The following TFIP11 variants were observed in gnomAD, a reference collection of about 807,000 sequenced individuals.
The protein encoded by TFIP11 is tuftelin-interacting protein 11.
In TFIP11, 86 loss-of-function variants were observed where a neutral mutation model predicts 96.8. That is an observed-to-expected ratio of 0.89 (90% CI 0.75 to 1.06). The LOEUF (loss-of-function observed/expected upper bound fraction) is 1.06. Ranked by LOEUF, TFIP11 falls within the 50% of genes least tolerant of loss-of-function variation. The pLI, the probability that TFIP11 is intolerant of heterozygous loss-of-function variation, is 0.00. For synonymous variants in TFIP11, 405 were observed against 395.2 expected (o/e 1.02, Z -0.29); for missense variants, 881 against 1,076.7 (o/e 0.82, Z 2.54).
At chr22:26,495,921 C>G (rs1490627745) in intron 12 of TFIP11, 152 bp downstream of exon 12, 1 of 1,203,460 alleles carries the variant, frequency 8.3e-7, no homozygotes. Flanking sequence ...TGTTCAGCCT[C>G]TGAACAAAAT....
intron 4 of TFIP11, among the ~76,000 whole-genome samples, chr22:26,509,398 CCCTCATGT>C (rs1239628553): frequency 6.6e-6 from 1 of 152,192 alleles, no homozygotes; most frequent in South Asian, 2.1e-4. Context: ...AATGTGTTCT[CCCTCATGT>C]CCTCATGTCC....
intron 10 of TFIP11, among the ~76,000 whole-genome samples, chr22:26,497,749 G>A (rs926718334): frequency 1.1e-4 from 16 of 152,080 alleles, no homozygotes; most frequent in African/African-American, 2.2e-4. Flanking sequence ...GGTGGCGAGC[G>A]CCTGTAGTCC....
At chr22:26,493,465 T>C (rs1407924654) in intron 14 of TFIP11, 1 of 152,410 alleles carries the variant, frequency 6.6e-6, no homozygotes, top group African/African-American at 2.4e-5. Context: ...CGATCCCATT[T>C]CAATGCTGCG....
chr22:26,494,652 CTATGAAGATGACCT>C, intron 13 of TFIP11, 131 bp downstream of exon 13: 1 of 1,160,594 alleles, frequency 8.6e-7, no homozygotes, highest in Non-Finnish European at 1.2e-6. Flanking sequence ...ATGGTGCCCA[CTATGAAGATGACCT>C]AACTCATTCC....
At chr22:26,495,987 G>A (rs1921972033) in intron 12 of TFIP11, 86 bp downstream of exon 12, 1 of 1,528,526 alleles carries the variant, frequency 6.5e-7, no homozygotes, top group African/African-American at 1.4e-5. Context: ...TGAACATAAA[G>A]GCGATGCTTT....
Position 26,510,242 on chromosome 22 carries a change from C to T in TFIP11, c.31G>A (p.Glu11Lys), listed in dbSNP as rs1034300734. The part of the protein sequence containing the change: MSLSHLYRDG[E>K]GRIDDDDDER... ...TCATCATCATCATCAATGCGGCCTT[C>T]CCCATCCCGGTATAAGTGGGACAAT... The change falls in exon 4 of 15, where the codon GAA (glutamate) becomes AAA (lysine). Residue 11 changes from glutamate to lysine, a missense_variant. By Grantham distance (56) the Glu-to-Lys change is moderately conservative (BLOSUM62 1). Coordinates refer to ENST00000407690, the MANE Select transcript of TFIP11 (RefSeq NM_012143.4). The T allele has an allele frequency of 4.3e-6, 7 of 1,614,150 alleles. No homozygotes were observed. Among genetic ancestry groups the T allele is most frequent in the Non-Finnish European group, 5.9e-6 (7 of 1,180,044 alleles).
rs773395758 is a variant in TFIP11 at position 26,492,296 on chromosome 22, TG to T, written c.2230del (p.Gln744SerfsTer28). 2.5e-6 allele frequency: 4 copies of T among 1,614,100 alleles called. No individual in the cohort carries two copies. The highest frequency in any genetic ancestry group is 3.4e-6 in the Non-Finnish European group (4 of 1,180,038). On this transcript the variant is annotated frameshift_variant, in exon 15 of 15. Transcript: ENST00000407690. LOFTEE classifies it high-confidence loss of function. ...CCGCCTCTCCTGCATGGCCTCGTAC[TG>T]GAAGTCCTTCCTCCGCTCCGTGTGG... ...LTHTERRKDF[Q>X]YEAMQERREA...
intron 8 of TFIP11, 135 bp from the exon 9 acceptor site, chr22:26,499,766 G>A: frequency 1.1e-6 from 1 of 929,496 alleles, no homozygotes; most frequent in Non-Finnish European, 1.6e-6. Flanking sequence ...GAAGGGCAGT[G>A]TTGTAAAGTG....
intron 4 of TFIP11, among the ~76,000 whole-genome samples, chr22:26,508,265 A>G (rs1055081944): frequency 1.3e-5 from 2 of 152,240 alleles, no homozygotes; most frequent in African/African-American, 4.8e-5. Context: ...CTCTAGAGTC[A>G]GATAGGTCCA....
At position 26,510,216 on chromosome 22, in the gene TFIP11, G is replaced by GTCATCA. The variant is rs369744572; in HGVS notation, c.51_56dup (p.Asp18_Asp19dup). The GTCATCA allele has an allele frequency of 6.2e-7, 1 of 1,613,928 alleles. No homozygotes were observed. Among genetic ancestry groups the GTCATCA allele is most frequent in the Admixed American group, 1.7e-5 (1 of 60,008 alleles). On this transcript the variant is annotated inframe_insertion, in exon 4 of 15. Transcript: ENST00000407690. ...CAGTGATCTCAAAGTTCTCCCGCTC[G>GTCATCA]TCATCATCATCATCAATGCGGCCTT...
Position 26,494,922 on chromosome 22 carries a change from G to A in TFIP11, c.1867C>T (p.Leu623=), listed in dbSNP as rs760888870. 2 of 1,614,214 alleles carry A rather than the reference G, an allele frequency of 1.2e-6. No individual in the cohort carries two copies. The highest frequency in any genetic ancestry group is 1.7e-6 in the Non-Finnish European group (2 of 1,180,036). Residue 623 remains leucine, a synonymous_variant, in exon 13 of 15, where the codon CTA becomes TTA. Transcript: ENST00000407690. ...TGCTGCTGGTGGGGGTTAATGACTA[G>A]CTCACCAAGACACATCCCTGGAAGA... The part of the protein sequence containing the change: ...VPKLGMCLGE[L]VINPHQQHMD...
At chr22:26,510,415 A>G in intron 3 of TFIP11, 134 bp from the exon 4 acceptor site, 1 of 805,266 alleles carries the variant, frequency 1.2e-6, no homozygotes, top group Non-Finnish European at 1.9e-6. Context: ...CAGCATTACT[A>G]TTCAATAAAA....
chr22:26,502,341 T>C (rs976257969), intron 7 of TFIP11, among the ~76,000 whole-genome samples: 3 of 152,230 alleles, frequency 2.0e-5, no homozygotes, highest in Admixed American at 2.0e-4. Flanking sequence ...GCATCTACTA[T>C]GGGCAGGCAC....
Position 26,496,276 on chromosome 22 carries a change from T to G in TFIP11, c.1646A>C (p.His549Pro), listed in dbSNP as rs1282952732. The G allele has an allele frequency of 6.2e-7, 1 of 1,610,966 alleles. No individual in the cohort carries two copies. Among genetic ancestry groups the G allele is most frequent in the Non-Finnish European group, 8.5e-7 (1 of 1,178,160 alleles). The change falls in exon 12 of 15, where the codon CAC becomes CCC. Residue 549 changes from histidine (H) to proline (P), a missense_variant. Coordinates refer to ENST00000407690, the MANE Select transcript of TFIP11 (RefSeq NM_012143.4). ...GGGCAGCCATGGGTGGATCCAAGAG[T>G]GGATGGGAACAGTGTCTGTGAGCGG... Reference protein sequence around the residue: ...WNPLTDTVPIHSWIHPWLPLM... With the variant: ...WNPLTDTVPIPSWIHPWLPLM...
At chr22:26,504,602 C>T (rs115183715) in intron 6 of TFIP11, among the ~76,000 whole-genome samples, 2,917 of 152,142 alleles carry the variant, frequency 0.019, 75 homozygotes, top group African/African-American at 0.067. Flanking sequence ...GAGGTTGAGG[C>T]TGCAGTGAGC....
At position 26,499,485 on chromosome 22, in the gene TFIP11, C is replaced by G; in HGVS notation, c.948G>C (p.Ala316=). ...GCAGGTTGTGCTCCAGCTCGGGCAG[C>G]GCGAAGCCGGGGGCCTTGGCCTCTT... ...SGKEAKAPGF[A]LPELEHNLQL... is the part of the protein sequence containing the mutation. Residue 316 remains alanine, a synonymous_variant, in exon 9 of 15, where the codon GCG becomes GCC. Transcript: ENST00000407690. 6.2e-7 allele frequency: 1 copy of G among 1,614,198 alleles called. No individual in the cohort carries two copies. The highest frequency in any genetic ancestry group is 1.3e-5 in the African/African-American group (1 of 75,070).
rs1923866866 is a variant in TFIP11 at position 26,510,090 on chromosome 22, A to G, written c.183T>C (p.Asp61=). 8 of 1,613,756 alleles carry G rather than the reference A, an allele frequency of 5.0e-6. No individual in the cohort carries two copies. Among genetic ancestry groups the G allele is most frequent in the Non-Finnish European group, 6.8e-6 (8 of 1,180,002 alleles). The change falls in exon 4 of 15, where the codon GAT becomes GAC. Residue 61 remains aspartate (D), a synonymous_variant. Transcript: ENST00000407690. ...YGVWAERDSD[D]ERPSFGGKRA... is the part of the protein sequence containing the mutation. The stretch of plus-strand genomic sequence containing the variant: ...GTTTGCCTCCAAAGCTGGGCCTCTC[A>G]TCATCCGAGTCTCGCTCTGCCCACA...
At chr22:26,499,765 T>A in intron 8 of TFIP11, 134 bp from the exon 9 acceptor site, 2 of 930,036 alleles carry the variant, frequency 2.2e-6, no homozygotes. Flanking sequence ...AGAAGGGCAG[T>A]GTTGTAAAGT....
intron 5 of TFIP11, 77 bp from the exon 6 acceptor site, chr22:26,506,536 GA>G: frequency 1.3e-6 from 2 of 1,521,786 alleles, no homozygotes; most frequent in Non-Finnish European, 8.8e-7. Flanking sequence ...TGGCCAACAG[GA>G]AAATGGCCTA....
Sources: allele counts gnomAD v4.1 joint callset (sites outside exome capture counted in the v4.1 genomes callset), GRCh38; gene constraint gnomAD v4.1.1; transcripts MANE v1.5; gene names NCBI Gene and HGNC (gene_info 2026-07-23, HGNC 2026-07-21).